PDE1A: variants seen among roughly 807,000 people sequenced by gnomAD.
PDE1A encodes phosphodiesterase 1A.
Under a neutral mutation model 61.7 loss-of-function variants are expected in PDE1A, and 35 were observed. The ratio of observed to expected loss-of-function variants is 0.57; its 90% CI spans 0.43 to 0.75. The LOEUF (loss-of-function observed/expected upper bound fraction) is 0.75, where lower values mean the gene tolerates loss of function less well. Among genes scored for constraint, PDE1A ranks in the 30% least tolerant of loss-of-function variants. PDE1A has a pLI of 0.00. For missense variants in PDE1A, 597 were observed against 630.6 expected (o/e 0.95, Z 0.57); for synonymous variants, 232 against 213.2 (o/e 1.09, Z -0.77).
intron 1 of PDE1A, among the ~76,000 whole-genome samples, chr2:182,374,231 T>C (rs529697682): frequency 6.6e-6 from 1 of 152,240 alleles, no homozygotes; most frequent in Admixed American, 6.5e-5. Context: ...CAAAGACTGA[T>C]AGGTACTTCT....
chr2:182,221,994 C>G (rs944168198), intron 7 of PDE1A, among the ~76,000 whole-genome samples: 3 of 151,794 alleles, frequency 2.0e-5, no homozygotes, highest in African/African-American at 4.8e-5. Flanking sequence ...TTTCTATATT[C>G]CCCACATCAA....
At chr2:182,196,499 A>T (rs1686143434) in intron 10 of PDE1A, among the ~76,000 whole-genome samples, 1 of 151,620 alleles carries the variant, frequency 6.6e-6, no homozygotes, top group Admixed American at 6.6e-5. Flanking sequence ...TACTCTTTTT[A>T]AAAAAAATTA....
At chr2:182,547,030 G>A in the PDE1A span, among the ~76,000 whole-genome samples, 3 of 152,258 alleles carry the variant, frequency 2.0e-5, no homozygotes, top group East Asian at 1.9e-4. Flanking sequence ...GCTAACTGAA[G>A]TTAGTGCTCC....
At chr2:182,576,735 GT>G in the PDE1A span, among the ~76,000 whole-genome samples, 2 of 152,040 alleles carry the variant, frequency 1.3e-5, no homozygotes, top group Non-Finnish European at 2.9e-5. Context: ...CTGTTATTTT[GT>G]TTTGTGTTTT....
intron 1 of PDE1A, among the ~76,000 whole-genome samples, chr2:182,289,350 G>T (rs772215281): frequency 2.7e-5 from 4 of 150,700 alleles, no homozygotes; most frequent in Admixed American, 6.6e-5. Flanking sequence ...AGACCAAGAA[G>T]AAAGACATTA....
At chr2:182,163,514 C>T (rs1262404472), downstream of PDE1A, among the ~76,000 whole-genome samples, 1 of 152,134 alleles carries the variant, frequency 6.6e-6, no homozygotes, top group African/African-American at 2.4e-5. Context: ...ATTGGCAAGA[C>T]ATGTGCATTG....
At chr2:182,493,164 T>C (rs1688497103) in intron 2 of PDE1A, among the ~76,000 whole-genome samples, 1 of 151,688 alleles carries the variant, frequency 6.6e-6, no homozygotes, top group African/African-American at 2.4e-5. Flanking sequence ...CATGCCTTGC[T>C]ATACCTAGTT....
downstream of PDE1A, chr2:182,142,439 A>G (rs886322404): frequency 6.6e-6 from 1 of 152,214 alleles, no homozygotes; most frequent in Admixed American, 6.5e-5. Flanking sequence ...AAAGGTGTTC[A>G]TCAGGTCACC....
At chr2:182,485,704 A>G (rs1425706967) in intron 2 of PDE1A, among the ~76,000 whole-genome samples, 7 of 152,080 alleles carry the variant, frequency 4.6e-5, no homozygotes, top group Admixed American at 4.6e-4. Flanking sequence ...AAATTAATTA[A>G]TACAATACAT....
At chr2:182,249,084 G>A (rs768363469) in intron 2 of PDE1A, among the ~76,000 whole-genome samples, 9 of 152,306 alleles carry the variant, frequency 5.9e-5, no homozygotes, top group Middle Eastern at 3.4e-3. Context: ...GTGTGACAGC[G>A]CTGGGCCAGC....
downstream of PDE1A, among the ~76,000 whole-genome samples, chr2:182,165,995 A>G (rs1691632591): frequency 6.6e-6 from 1 of 152,116 alleles, no homozygotes; most frequent in African/African-American, 2.4e-5. Flanking sequence ...TGAGGATGGG[A>G]TTAGTACACG....
chr2:182,264,652 T>C (rs1292771807), intron 1 of PDE1A, among the ~76,000 whole-genome samples: 1 of 151,638 alleles, frequency 6.6e-6, no homozygotes, highest in Non-Finnish European at 1.5e-5. Context: ...GTAGCTAGTT[T>C]AAGTATAATA....
chr2:182,551,173 TG>T, the PDE1A span, among the ~76,000 whole-genome samples: 2 of 151,930 alleles, frequency 1.3e-5, no homozygotes, highest in African/African-American at 4.8e-5. Context: ...TAGCTACAAT[TG>T]GGGGGTGCAA....
chr2:182,342,734 TGA>T (rs1698274258), intron 1 of PDE1A, among the ~76,000 whole-genome samples: 1 of 152,222 alleles, frequency 6.6e-6, no homozygotes, highest in Non-Finnish European at 1.5e-5. Context: ...TAATTTATAC[TGA>T]GTTTTCTATT....
At chr2:182,613,807 TTGCCATGGGG>T in the PDE1A span, among the ~76,000 whole-genome samples, 4 of 152,314 alleles carry the variant, frequency 2.6e-5, no homozygotes, top group African/African-American at 9.6e-5. Context: ...ATTCCAAGGA[TTGCCATGGGG>T]TATTTTAGGT....
At chr2:182,573,949 A>C in the PDE1A span, among the ~76,000 whole-genome samples, 2 of 126,062 alleles carry the variant, frequency 1.6e-5, no homozygotes, top group Admixed American at 8.9e-5. Context: ...TTTATATATT[A>C]TATATATTTA....
intron 2 of PDE1A, among the ~76,000 whole-genome samples, chr2:182,515,954 CTGTGTGTGTGTGTGTGTGTGTGTGTG>C (rs201729102): frequency 1.5e-5 from 2 of 130,432 alleles, no homozygotes; most frequent in African/African-American, 2.8e-5. Context: ...GTGTGTGTTT[CTGTGTGTGTGTGTGTGTGTGTGTGTG>C]TGTGTGTGTG....
chr2:182,590,623 CCAAA>C, the PDE1A span, among the ~76,000 whole-genome samples: 1 of 152,118 alleles, frequency 6.6e-6, no homozygotes, highest in African/African-American at 2.4e-5. Flanking sequence ...AGAGACTTTA[CCAAA>C]CATTCACCAT....
At chr2:182,434,396 T>C (rs1224042351) in intron 2 of PDE1A, among the ~76,000 whole-genome samples, 1 of 152,082 alleles carries the variant, frequency 6.6e-6, no homozygotes, top group East Asian at 1.9e-4. Context: ...CTAGGTAATT[T>C]ATAAAGAACA....
Sources: gnomAD v4.1 joint callset for allele counts (sites outside exome capture counted in the v4.1 genomes callset) on GRCh38, gnomAD v4.1.1 for gene constraint, MANE v1.5 for transcripts, NCBI Gene and HGNC (gene_info 2026-07-23, HGNC 2026-07-21) for gene names.